Variants in PPP1CA observed in about 807,000 individuals in gnomAD.
PPP1CA encodes the protein serine/threonine-protein phosphatase PP1-alpha catalytic subunit.
A neutral mutation model predicts 38.5 loss-of-function variants in PPP1CA; 14 were observed. The ratio of observed to expected loss-of-function variants is 0.36; its 90% CI spans 0.24 to 0.57. The LOEUF (loss-of-function observed/expected upper bound fraction) is 0.57. Ranked by LOEUF, PPP1CA falls within the 20% of genes least tolerant of loss-of-function variation. PPP1CA has a pLI of 0.80. For missense variants in PPP1CA, 277 were observed against 435.2 expected (o/e 0.64, Z 3.23); for synonymous variants, 200 against 177.3 (o/e 1.13, Z -1.02).
At chr11:67,401,560 GC>G in intron 1 of PPP1CA, 167 bp downstream of exon 1, 3 of 591,302 alleles carry the variant, frequency 5.1e-6, no homozygotes, top group Non-Finnish European at 7.8e-6. Flanking sequence ...GTCGGAGCTG[GC>G]CCCGGACCTC....
At chr11:67,400,971 A>G in intron 2 of PPP1CA, 52 bp from the exon 3 acceptor site, 2 of 1,609,882 alleles carry the variant, frequency 1.2e-6, no homozygotes, top group Non-Finnish European at 8.5e-7. Context: ...ACCTGAACCC[A>G]GGGCCAGGAC....
Position 67,401,716 on chromosome 11 carries a change from G to T in PPP1CA, c.55+12C>A. On this transcript the variant is annotated intron_variant, in intron 1 of 6. Transcript: ENST00000376745. ...GGCGCGGCGGACGCGGGCCTCCCCC[G>T]CCCCGACCAACCTTCCAGCAGGCGC... 7.0e-7 allele frequency: 1 copy of T among 1,425,932 alleles called. No homozygotes were observed. Among genetic ancestry groups the T allele is most frequent in the Non-Finnish European group, 9.3e-7 (1 of 1,073,878 alleles). The allele number at this position is 1,425,932 out of a possible 1,614,324, so 88.3% of individuals were successfully genotyped here.
In PPP1CA at chr11:67,398,414, C is replaced by G. The variant is rs1455320765; in HGVS notation, c.*121G>C. ...TTAAAAAAAGAAAAGAAAAATACAC[C>G]AAGGCTCCATGTTCCCCGTGACAGG... On this transcript the variant is annotated 3_prime_UTR_variant, in exon 7 of 7. Coordinates refer to ENST00000376745, the MANE Select transcript of PPP1CA (RefSeq NM_002708.4). The G allele has an allele frequency of 2.0e-6, 2 of 976,618 alleles. No individual in the cohort carries two copies. Among genetic ancestry groups the G allele is most frequent in the African/African-American group, 1.6e-5 (1 of 60,638 alleles). 60.5% of individuals were successfully genotyped at this position (976,618 alleles called of 1,614,324 possible). A position where few individuals can be genotyped will look rare whatever the true frequency, so the allele number is the denominator to read the frequency against.
At position 67,401,322 on chromosome 11, in the gene PPP1CA, G is replaced by A. The variant is rs1304741020; in HGVS notation, c.56-123C>T. 2.9e-5 allele frequency: 44 copies of A among 1,497,698 alleles called. No individual in the cohort carries two copies. The South Asian group carries it at 3.8e-4, about 13-fold the overall frequency. The allele number at this position is 1,497,698 out of a possible 1,614,324, so 92.8% of individuals were successfully genotyped here. ...CTCGGCCCCTCCTTGCCCACAGGCA[G>A]CTGTTGCTGCTGAGCCTCCCGGGAC... On this transcript the variant is annotated intron_variant, in intron 1 of 6. Transcript: ENST00000376745.
Position 67,401,718 on chromosome 11 carries a change from C to G in PPP1CA, c.55+10G>C. 1 of 1,461,012 alleles carries G rather than the reference C, an allele frequency of 6.8e-7. No individual in the cohort carries two copies. Among genetic ancestry groups the G allele is most frequent in the Admixed American group, 2.1e-5 (1 of 46,828 alleles). The allele number at this position is 1,461,012 out of a possible 1,614,324, so 90.5% of individuals were successfully genotyped here. Reference sequence around the variant, plus strand: ...CGCGGCGGACGCGGGCCTCCCCCGCCCCGACCAACCTTCCAGCAGGCGCCC... The same window carrying G: ...CGCGGCGGACGCGGGCCTCCCCCGCGCCGACCAACCTTCCAGCAGGCGCCC... On this transcript the variant is annotated intron_variant, in intron 1 of 6. Transcript: ENST00000376745.
Position 67,401,809 on chromosome 11 carries a change from G to T in PPP1CA, c.-27C>A. The stretch of plus-strand genomic sequence containing the variant: ...GCGGCGCCGCCGCTCCAGCCCAGCA[G>T]CTCCTGGCCCGCTCCTGCCTCCCGC... On this transcript the variant is annotated 5_prime_UTR_variant, in exon 1 of 7. It adds an upstream start codon to the 5' untranslated region. Transcript: ENST00000376745. 7.0e-7 allele frequency: 1 copy of T among 1,424,524 alleles called. No individual in the cohort carries two copies. Among genetic ancestry groups the T allele is most frequent in the Non-Finnish European group, 9.3e-7 (1 of 1,077,356 alleles). The allele number at this position is 1,424,524 out of a possible 1,614,324, so 88.2% of individuals were successfully genotyped here. A position where few individuals can be genotyped will look rare whatever the true frequency, so the allele number is the denominator to read the frequency against.
At chr11:67,399,385 G>C (rs903160764) in intron 4 of PPP1CA, among the ~76,000 whole-genome samples, 176 bp downstream of exon 4, 1 of 152,224 alleles carries the variant, frequency 6.6e-6, no homozygotes, top group Non-Finnish European at 1.5e-5. Flanking sequence ...CCGGGAGAAA[G>C]GAGACAAGCC....
chr11:67,398,925 G>A lies in PPP1CA; in HGVS notation c.747+15C>T. 1 of 1,612,874 alleles carries A rather than the reference G, an allele frequency of 6.2e-7. No homozygotes were observed. The highest frequency in any genetic ancestry group is 8.5e-7 in the Non-Finnish European group (1 of 1,179,924). ...CCTCCCCTTCCCCTGCCGCAGGCCG[G>A]AGCCACCAGCCCACCTGGTGTGCTC... is the stretch of plus-strand genomic sequence containing the variant. On this transcript the variant is annotated intron_variant, in intron 5 of 6. Transcript: ENST00000376745.
intron 3 of PPP1CA, among the ~76,000 whole-genome samples, chr11:67,399,877 T>C (rs1282770161): frequency 6.6e-6 from 1 of 152,186 alleles, no homozygotes; most frequent in Non-Finnish European, 1.5e-5. Context: ...GGCTAAGACC[T>C]GTAATCCCAG....
intron 1 of PPP1CA, 52 bp downstream of exon 1, chr11:67,401,676 C>G: frequency 7.7e-7 from 1 of 1,294,492 alleles, no homozygotes. Flanking sequence ...ACTTCCGGGC[C>G]GGGCAGGGGG....
rs1862792637 is a variant in PPP1CA, at chr11:67,398,513, GGCACAGGGTGGT to G, written c.*10_*21del. The G allele has an allele frequency of 6.2e-7, 1 of 1,604,902 alleles. No homozygotes were observed. The highest frequency in any genetic ancestry group is 1.1e-5 in the South Asian group (1 of 90,356). The stretch of plus-strand genomic sequence containing the variant: ...TCTGTACAATCAATCCATCATCTGG[GGCACAGGGTGGT>G]GTGCGGGGGCTATTTCTTGGCTTTG... On this transcript the variant is annotated 3_prime_UTR_variant, in exon 7 of 7. Transcript: ENST00000376745.
rs1218647651 is a variant in PPP1CA at position 67,399,170 on chromosome 11, G to A, written c.524-7C>T. Reference sequence around the variant, plus strand: ...TGCAGGTCCGGGGACAGGCCTGGGGGGCCGGGGGAAGGTCACTTCCTCAAA... The same window carrying A: ...TGCAGGTCCGGGGACAGGCCTGGGGAGCCGGGGGAAGGTCACTTCCTCAAA... On this transcript the variant is annotated splice_polypyrimidine_tract_variant and splice_region_variant and intron_variant, in intron 4 of 6. Transcript: ENST00000376745. The A allele has an allele frequency of 2.5e-6, 4 of 1,609,502 alleles. No homozygotes were observed. The highest frequency in any genetic ancestry group is 1.1e-5 in the South Asian group (1 of 91,032).
chr11:67,398,894 C>T (rs1417421186), intron 5 of PPP1CA, 38 bp from the exon 6 acceptor site: 1 of 1,611,648 alleles, frequency 6.2e-7, no homozygotes, highest in African/African-American at 1.3e-5. Context: ...CGAGCGCAGG[C>T]ACGGCCCTCC....
Position 67,401,773 on chromosome 11 carries a change from T to C in PPP1CA, c.10A>G (p.Ser4Gly). The change falls in exon 1 of 7, where the codon AGC (serine) becomes GGC (glycine). Residue 4 changes from serine to glycine, a missense_variant. By Grantham distance (56) the Ser-to-Gly change is moderately conservative. This residue lies in a region of PPP1CA where 44 missense variants were observed against 27.4 expected (regional missense o/e 1.60). Transcript: ENST00000376745. ...ATCGAGTCCAGGTTGAGCTTCTCGCTGTCGGACATGGCGGCGCCGCCGCTC... is the reference window on the plus strand; with the variant it reads ...ATCGAGTCCAGGTTGAGCTTCTCGCCGTCGGACATGGCGGCGCCGCCGCTC... MSD[S>G]EKLNLDSIIG... The C allele has an allele frequency of 1.4e-6, 2 of 1,472,670 alleles. No homozygotes were observed. Among genetic ancestry groups the C allele is most frequent in the Non-Finnish European group, 1.8e-6 (2 of 1,102,280 alleles). The allele number at this position is 1,472,670 out of a possible 1,614,324, so 91.2% of individuals were successfully genotyped here. A position where few individuals can be genotyped will look rare whatever the true frequency, so the allele number is the denominator to read the frequency against.
Position 67,398,464 on chromosome 11 carries a change from C to T in PPP1CA, c.*71G>A, listed in dbSNP as rs1314041720. ...GTGGGCCTGAGGGGTCGGGGTGACCCCCCCCCAGCATGGCAGCATGATTTC... is the reference window on the plus strand; with the variant it reads ...GTGGGCCTGAGGGGTCGGGGTGACCTCCCCCCAGCATGGCAGCATGATTTC... On this transcript the variant is annotated 3_prime_UTR_variant, in exon 7 of 7. Transcript: ENST00000376745. 1.3e-6 allele frequency: 2 copies of T among 1,490,588 alleles called. No individual in the cohort carries two copies. Among genetic ancestry groups the T allele is most frequent in the African/African-American group, 1.4e-5 (1 of 72,386 alleles). 92.3% of individuals were successfully genotyped at this position (1,490,588 alleles called of 1,614,324 possible). A position where few individuals can be genotyped will look rare whatever the true frequency, so the allele number is the denominator to read the frequency against.
rs760048332 is a variant in PPP1CA at position 67,398,493 on chromosome 11, A to ACAAT, written c.*38_*41dup. The stretch of plus-strand genomic sequence containing the variant: ...CCCAGCATGGCAGCATGATTTCTGT[A>ACAAT]CAATCAATCCATCATCTGGGGCACA... On this transcript the variant is annotated 3_prime_UTR_variant, in exon 7 of 7. Transcript: ENST00000376745. The ACAAT allele has an allele frequency of 2.3e-4, 359 of 1,587,540 alleles. No homozygotes were observed. Among genetic ancestry groups the ACAAT allele is most frequent in the South Asian group, 7.1e-4 (63 of 88,678 alleles).
In PPP1CA at chr11:67,398,812, C is replaced by T; in HGVS notation, c.792G>A (p.Val264=). Residue 264 remains valine (V), a synonymous_variant, in exon 6 of 7, where the codon GTG becomes GTA. Transcript: ENST00000376745. ...GYEFFAKRQL[V]TLFSAPNYCG... ...AGTAGTTGGGAGCTGAGAAAAGTGTCACCAGCTGCCGCTTGGCAAAGAACT... is the reference window on the plus strand; with the variant it reads ...AGTAGTTGGGAGCTGAGAAAAGTGTTACCAGCTGCCGCTTGGCAAAGAACT... 1 of 1,613,756 alleles carries T rather than the reference C, an allele frequency of 6.2e-7. No individual in the cohort carries two copies. Among genetic ancestry groups the T allele is most frequent in the Non-Finnish European group, 8.5e-7 (1 of 1,180,010 alleles).
intron 6 of PPP1CA, 25 bp downstream of exon 6, chr11:67,398,697 C>G (rs763774439): frequency 6.2e-7 from 1 of 1,612,980 alleles, no homozygotes; most frequent in Non-Finnish European, 8.5e-7. Flanking sequence ...CAGGGCCTAG[C>G]GGCTCCTTTC....
chr11:67,399,440 A>C, intron 4 of PPP1CA, 121 bp downstream of exon 4: 2 of 877,178 alleles, frequency 2.3e-6, no homozygotes, highest in Non-Finnish European at 3.7e-6. Flanking sequence ...GCAGCCCAGC[A>C]CAGTGGGGTA....
Sources: allele counts gnomAD v4.1 joint callset (sites outside exome capture counted in the v4.1 genomes callset), GRCh38; gene constraint gnomAD v4.1.1; regional missense constraint gnomAD v4.1.1; transcripts MANE v1.5; gene names NCBI Gene and HGNC (gene_info 2026-07-23, HGNC 2026-07-21).